TUNAR: variants seen among roughly 807,000 people sequenced by gnomAD.
TUNAR encodes the protein transmembrane neural differentiation associated intracellular calcium regulator.
chr14:95,907,800 C>A (rs1479329158), intron 2 of TUNAR, among the ~76,000 whole-genome samples: 1 of 152,126 alleles, frequency 6.6e-6, no homozygotes, highest in Non-Finnish European at 1.5e-5. Context: ...AAGAGGGTGA[C>A]TCCTCTTTGC....
intron 2 of TUNAR, among the ~76,000 whole-genome samples, chr14:95,897,888 A>G (rs1442212541): frequency 6.6e-6 from 1 of 151,602 alleles, no homozygotes; most frequent in African/African-American, 2.4e-5. Flanking sequence ...TGCCTTTTTC[A>G]TACTCTCCCT....
chr14:95,893,857 C>T (rs917065968), intron 2 of TUNAR, among the ~76,000 whole-genome samples: 6 of 152,240 alleles, frequency 3.9e-5, no homozygotes, highest in South Asian at 4.1e-4. Flanking sequence ...CCACCAGCTC[C>T]GAATTGTGGC....
intron 2 of TUNAR, among the ~76,000 whole-genome samples, chr14:95,902,031 C>G (rs574904510): frequency 3.9e-5 from 6 of 152,090 alleles, no homozygotes; most frequent in Non-Finnish European, 5.9e-5. Flanking sequence ...CAAGGATGTT[C>G]ACATCCTTTA....
At chr14:95,878,308 T>C (rs1888922790) in intron 2 of TUNAR, among the ~76,000 whole-genome samples, 1 of 152,260 alleles carries the variant, frequency 6.6e-6, no homozygotes, top group Admixed American at 6.5e-5. Context: ...TTTGCTTAAG[T>C]GCATTTAGTT....
chr14:95,920,463 C>G (rs1479705019), intron 2 of TUNAR, among the ~76,000 whole-genome samples: 2 of 151,824 alleles, frequency 1.3e-5, no homozygotes, highest in Non-Finnish European at 2.9e-5. Flanking sequence ...AGAAGCTTTC[C>G]CTAGCTGAGC....
At chr14:95,893,675 A>G (rs1461254044) in intron 2 of TUNAR, among the ~76,000 whole-genome samples, 1 of 152,058 alleles carries the variant, frequency 6.6e-6, no homozygotes, top group Non-Finnish European at 1.5e-5. Context: ...GCTTTTGCTC[A>G]AGTGCTGGAG....
chr14:95,898,928 G>T (rs1464134717), intron 2 of TUNAR, among the ~76,000 whole-genome samples: 1 of 152,108 alleles, frequency 6.6e-6, no homozygotes, highest in African/African-American at 2.4e-5. Context: ...TTGTTCTTTG[G>T]CCAATGAGTA....
At chr14:95,891,618 A>G (rs899323241) in intron 2 of TUNAR, among the ~76,000 whole-genome samples, 4 of 152,170 alleles carry the variant, frequency 2.6e-5, no homozygotes, top group Admixed American at 2.0e-4. Flanking sequence ...TCATCTCCCT[A>G]TTACTATACA....
chr14:95,902,486 C>T (rs938203537), intron 2 of TUNAR, among the ~76,000 whole-genome samples: 1 of 152,160 alleles, frequency 6.6e-6, no homozygotes, highest in Non-Finnish European at 1.5e-5. Context: ...GTGCAGCCCG[C>T]CAAAGAAAAA....
chr14:95,899,843 T>C (rs1871636978), intron 2 of TUNAR, among the ~76,000 whole-genome samples: 2 of 152,220 alleles, frequency 1.3e-5, no homozygotes, highest in South Asian at 2.1e-4. Context: ...TTTCAACATA[T>C]GAATTTTGGG....
chr14:95,907,279 A>G (rs537098116), intron 2 of TUNAR, among the ~76,000 whole-genome samples: 3 of 152,332 alleles, frequency 2.0e-5, no homozygotes, highest in Non-Finnish European at 2.9e-5. Context: ...GTGTGTTTTC[A>G]TAGCATTGGA....
At chr14:95,892,493 C>T (rs1889197991) in intron 2 of TUNAR, among the ~76,000 whole-genome samples, 1 of 152,242 alleles carries the variant, frequency 6.6e-6, no homozygotes, top group South Asian at 2.1e-4. Flanking sequence ...GCACCTGGTG[C>T]ATTACTGGGT....
chr14:95,883,059 T>C lies in TUNAR; in HGVS notation c.12+5882T>C, dbSNP rs559375901. Among the ~76,000 whole-genome samples the C allele has an allele frequency of 2.0e-5, 3 of 152,336 alleles. No individual in the cohort carries two copies. In the South Asian group the frequency reaches 6.2e-4, roughly 32 times the overall value. The stretch of plus-strand genomic sequence containing the variant: ...TTCAGAGGGCTTTATTGAATACTTC[T>C]AAAACAGTACGTCCAGTTTTGCAGT... On this transcript the variant is annotated intron_variant, in intron 2 of 2. Transcript: ENST00000678517.
chr14:95,884,886 T>TC (rs1437392306), intron 2 of TUNAR, among the ~76,000 whole-genome samples: 5 of 152,046 alleles, frequency 3.3e-5, no homozygotes, highest in African/African-American at 1.2e-4. Context: ...TTTTTTTTTT[T>TC]CCCTCCTACT....
chr14:95,916,051 G>A (rs1341281921), intron 2 of TUNAR, among the ~76,000 whole-genome samples: 1 of 152,136 alleles, frequency 6.6e-6, no homozygotes, highest in African/African-American at 2.4e-5. Flanking sequence ...TATCAGTATT[G>A]TTTTATTGTT....
At chr14:95,908,716 A>G (rs1473950352) in intron 2 of TUNAR, among the ~76,000 whole-genome samples, 1 of 152,214 alleles carries the variant, frequency 6.6e-6, no homozygotes, top group African/African-American at 2.4e-5. Context: ...CATGTACACT[A>G]TTGGAACCAT....
chr14:95,917,463 GTTA>G (rs780381118), intron 2 of TUNAR, among the ~76,000 whole-genome samples: 8 of 152,102 alleles, frequency 5.3e-5, no homozygotes, highest in Non-Finnish European at 1.0e-4. Flanking sequence ...CATCTTGGCT[GTTA>G]TTATCCATTT....
chr14:95,917,179 A>G (rs1043349108), intron 2 of TUNAR, among the ~76,000 whole-genome samples: 4 of 152,146 alleles, frequency 2.6e-5, no homozygotes, highest in Non-Finnish European at 5.9e-5. Flanking sequence ...TTGCCTTATA[A>G]AAGTTTCGAA....
chr14:95,907,507 G>T (rs1256430747), intron 2 of TUNAR, among the ~76,000 whole-genome samples: 1 of 152,174 alleles, frequency 6.6e-6, no homozygotes, highest in Non-Finnish European at 1.5e-5. Context: ...TGCTTTTCTG[G>T]CCAGAAATCT....
Sources: gnomAD v4.1 joint callset for allele counts (sites outside exome capture counted in the v4.1 genomes callset) on GRCh38, gnomAD v4.1.1 for gene constraint, MANE v1.5 for transcripts, NCBI Gene and HGNC (gene_info 2026-07-23, HGNC 2026-07-21) for gene names.